The following PLPPR1 variants were observed in gnomAD, a reference collection of about 807,000 sequenced individuals.
PLPPR1 encodes the protein phospholipid phosphatase-related protein type 1.
PLPPR1 carries 10 observed loss-of-function variants against 33.1 expected under a neutral mutation model. That is an observed-to-expected ratio of 0.30 (90% CI 0.19 to 0.51). The LOEUF (loss-of-function observed/expected upper bound fraction) is 0.51. PLPPR1 is among the 20% of genes least tolerant of loss of function. The pLI, the probability that PLPPR1 is intolerant of heterozygous loss-of-function variation, is 0.97. For synonymous variants in PLPPR1, 151 were observed against 151.0 expected (o/e 1.00, Z 0.00); for missense variants, 304 against 408.1 (o/e 0.74, Z 2.20).
At chr9:101,275,755 C>G (rs983425555) in intron 3 of PLPPR1, among the ~76,000 whole-genome samples, 1 of 152,124 alleles carries the variant, frequency 6.6e-6, no homozygotes, top group Non-Finnish European at 1.5e-5. Flanking sequence ...AACCTTTTTT[C>G]TTGGCTTCAC....
chr9:101,088,539 C>T (rs932603410), intron 1 of PLPPR1, among the ~76,000 whole-genome samples: 8 of 152,036 alleles, frequency 5.3e-5, no homozygotes, highest in African/African-American at 1.9e-4. Context: ...AATAAATAGT[C>T]TCACTTTGTG....
intron 2 of PLPPR1, among the ~76,000 whole-genome samples, chr9:101,225,281 G>A (rs759487940): frequency 2.6e-5 from 4 of 152,190 alleles, no homozygotes; most frequent in South Asian, 2.1e-4. Flanking sequence ...GGATCATTAA[G>A]TCAATTTCTT....
intron 2 of PLPPR1, among the ~76,000 whole-genome samples, chr9:101,257,828 T>A (rs1564018631): frequency 6.6e-6 from 1 of 151,442 alleles, no homozygotes; most frequent in African/African-American, 2.4e-5. Flanking sequence ...AAAATCCTAT[T>A]TTTTTTTAGA....
intron 1 of PLPPR1, among the ~76,000 whole-genome samples, chr9:101,086,254 G>A (rs1399343429): frequency 6.6e-6 from 1 of 152,178 alleles, no homozygotes; most frequent in Admixed American, 6.5e-5. Flanking sequence ...TGGGGCACAA[G>A]AGTTTTACTG....
intron 1 of PLPPR1, among the ~76,000 whole-genome samples, chr9:101,160,614 T>C (rs1054707441): frequency 3.3e-5 from 5 of 152,158 alleles, no homozygotes; most frequent in African/African-American, 9.6e-5. Context: ...AAAATAATTT[T>C]GTTTAACATG....
At chr9:101,258,664 G>A (rs538441051) in intron 2 of PLPPR1, among the ~76,000 whole-genome samples, 5 of 152,196 alleles carry the variant, frequency 3.3e-5, no homozygotes, top group African/African-American at 4.8e-5. Context: ...CTCTTGGCTC[G>A]TCCTCTCACC....
At chr9:101,276,014 G>C (rs1176590546) in intron 3 of PLPPR1, among the ~76,000 whole-genome samples, 2 of 152,110 alleles carry the variant, frequency 1.3e-5, no homozygotes, top group Non-Finnish European at 2.9e-5. Flanking sequence ...CCAGAGCACA[G>C]TGCAGATCAC....
intron 1 of PLPPR1, among the ~76,000 whole-genome samples, chr9:101,172,055 AC>A (rs1223545751): frequency 6.6e-6 from 1 of 152,124 alleles, no homozygotes; most frequent in African/African-American, 2.4e-5. Context: ...ATAGAAATAT[AC>A]CACTCTCCCT....
chr9:101,279,364 C>A (rs1156775563), intron 3 of PLPPR1, among the ~76,000 whole-genome samples: 1 of 152,158 alleles, frequency 6.6e-6, no homozygotes. Flanking sequence ...GAGAGATAGA[C>A]CTCAATGCAA....
At chr9:101,280,253 T>C (rs1233251481) in intron 3 of PLPPR1, among the ~76,000 whole-genome samples, 2 of 151,960 alleles carry the variant, frequency 1.3e-5, no homozygotes, top group Non-Finnish European at 2.9e-5. Context: ...AATCCAAAAC[T>C]TGAATAGATC....
intron 5 of PLPPR1, among the ~76,000 whole-genome samples, chr9:101,309,955 T>C (rs1213029274): frequency 1.3e-5 from 2 of 152,198 alleles, no homozygotes; most frequent in Non-Finnish European, 2.9e-5. Context: ...TCCTTTGCTC[T>C]GGCACTTTTC....
At chr9:101,323,358 G>A (rs1829190871) in intron 7 of PLPPR1, among the ~76,000 whole-genome samples, 1 of 151,672 alleles carries the variant, frequency 6.6e-6, no homozygotes, top group Non-Finnish European at 1.5e-5. Context: ...AACCAGGCAT[G>A]GTGGCATGTG....
At chr9:101,085,501 A>G (rs1044497879) in intron 1 of PLPPR1, among the ~76,000 whole-genome samples, 1 of 152,144 alleles carries the variant, frequency 6.6e-6, no homozygotes, top group African/African-American at 2.4e-5. Flanking sequence ...AGATGGGGCA[A>G]TTTATAATCA....
At chr9:101,179,626 A>G (rs774628286) in intron 1 of PLPPR1, among the ~76,000 whole-genome samples, 4 of 152,116 alleles carry the variant, frequency 2.6e-5, no homozygotes, top group Non-Finnish European at 4.4e-5. Context: ...CATTAGACAT[A>G]ATTATGACCT....
chr9:101,319,658 TACA>T (rs1829118200), intron 7 of PLPPR1, among the ~76,000 whole-genome samples: 1 of 152,218 alleles, frequency 6.6e-6, no homozygotes, highest in Non-Finnish European at 1.5e-5. Flanking sequence ...AGCCTGTTGC[TACA>T]GGTTAAATAT....
At chr9:101,213,364 A>G (rs1826722596) in intron 2 of PLPPR1, among the ~76,000 whole-genome samples, 1 of 152,226 alleles carries the variant, frequency 6.6e-6, no homozygotes, top group Admixed American at 6.5e-5. Context: ...ATCCTTAAAA[A>G]TACTTTTTAA....
At chr9:101,076,833 T>C (rs1830544008) in intron 1 of PLPPR1, among the ~76,000 whole-genome samples, 1 of 152,220 alleles carries the variant, frequency 6.6e-6, no homozygotes, top group Non-Finnish European at 1.5e-5. Context: ...TCTGGATATT[T>C]ATTGAGTCTT....
At chr9:101,041,460 AG>A (rs1253875463) in intron 1 of PLPPR1, among the ~76,000 whole-genome samples, 1 of 152,242 alleles carries the variant, frequency 6.6e-6, no homozygotes, top group Non-Finnish European at 1.5e-5. Flanking sequence ...AAAAATATTT[AG>A]GACATATACC....
intron 4 of PLPPR1, among the ~76,000 whole-genome samples, chr9:101,292,365 C>T (rs1828527755): frequency 6.6e-6 from 1 of 152,192 alleles, no homozygotes; most frequent in South Asian, 2.1e-4. Context: ...GGAAAACACT[C>T]TGCAGGATAT....
Sources: allele counts gnomAD v4.1 joint callset (sites outside exome capture counted in the v4.1 genomes callset), GRCh38; gene constraint gnomAD v4.1.1; transcripts MANE v1.5; gene names NCBI Gene and HGNC (gene_info 2026-07-23, HGNC 2026-07-21).